NFYC: variants seen among roughly 807,000 people sequenced by gnomAD.
The protein encoded by NFYC is CAAT box DNA-binding protein subunit C.
NFYC carries 25 observed loss-of-function variants against 53.1 expected under a neutral mutation model. The ratio of observed to expected loss-of-function variants is 0.47; its 90% CI spans 0.34 to 0.66. The LOEUF is 0.66. Among genes scored for constraint, NFYC ranks in the 30% least tolerant of loss-of-function variants. The pLI is 0.01. For synonymous variants in NFYC, 145 were observed against 152.6 expected, an observed-to-expected ratio of 0.95 and a Z score of 0.37; for missense variants, 260 against 422.7, an observed-to-expected ratio of 0.62 and a Z score of 3.38.
At chr1:40,695,770 A>C (rs1344439324) in intron 1 of NFYC, 2 of 152,182 alleles carry the variant, frequency 1.3e-5, no homozygotes, top group Non-Finnish European at 2.9e-5. Context: ...TATATCTTTT[A>C]GTTCAAAAGT....
In NFYC at chr1:40,769,337, A is replaced by G. The variant is rs1437266606; in HGVS notation, c.829-19A>G. The G allele has an allele frequency of 3.7e-6, 6 of 1,613,612 alleles. No homozygotes were observed. Among genetic ancestry groups the G allele is most frequent in the South Asian group, 3.3e-5 (3 of 91,060 alleles). On this transcript the variant is annotated intron_variant, in intron 8 of 9. Transcript: ENST00000447388. ...ACCCTGCAGCTGACATACCAACTCT[A>G]CCATCTTGATTCTTACAGATTACAC...
chr1:40,692,117 CG>C (rs994858270), intron 1 of NFYC: 2 of 193,844 alleles, frequency 1.0e-5, no homozygotes, highest in South Asian at 5.3e-5. Context: ...AAGGCGACGG[CG>C]GGGGGGCTCG....
intron 1 of NFYC, among the ~76,000 whole-genome samples, chr1:40,733,661 T>G (rs1644880755): frequency 6.6e-6 from 1 of 150,780 alleles, no homozygotes; most frequent in African/African-American, 2.4e-5. Flanking sequence ...CTCAAACTCC[T>G]GGGCCCAGGA....
chr1:40,746,497 A>AGC (rs1233869852), intron 2 of NFYC, among the ~76,000 whole-genome samples: 1 of 152,218 alleles, frequency 6.6e-6, no homozygotes, highest in East Asian at 1.9e-4. Flanking sequence ...CTGAAATAAT[A>AGC]TATGCTCCTT....
Position 40,771,257 on chromosome 1 carries a change from C to T in NFYC, c.*429C>T, listed in dbSNP as rs1407429891. 6.1e-6 allele frequency: 2 copies of T among 328,356 alleles called. No homozygotes were observed. Among genetic ancestry groups the T allele is most frequent in the African/African-American group, 4.4e-5 (2 of 45,670 alleles). The allele number at this position is 328,356 out of a possible 1,614,324, so 20.3% of individuals were successfully genotyped here. A position where few individuals can be genotyped will look rare whatever the true frequency, so the allele number is the denominator to read the frequency against. ...CTTGACTCTGGGAACAGCTGCTACC[C>T]CCAAGACTTGCCACGTTGTTCTGCC... On this transcript the variant is annotated 3_prime_UTR_variant, in exon 10 of 10. Transcript: ENST00000447388.
In NFYC at chr1:40,758,115, C is replaced by T; in HGVS notation, c.388-6C>T. 1 of 1,611,770 alleles carries T rather than the reference C, an allele frequency of 6.2e-7. No homozygotes were observed. Among genetic ancestry groups the T allele is most frequent in the South Asian group, 1.1e-5 (1 of 90,952 alleles). The stretch of plus-strand genomic sequence containing the variant: ...CCTCTTACCTGCCTCTCTTTCCACC[C>T]AACAGGAGGAGGTGCGCCAGTCTGT... On this transcript the variant is annotated splice_polypyrimidine_tract_variant and splice_region_variant and intron_variant, in intron 5 of 9. Coordinates refer to ENST00000447388, the MANE Select transcript of NFYC (RefSeq NM_014223.5).
rs540917370 is a variant in NFYC at position 40,766,585 on chromosome 1, C to T, written c.721-11C>T. 144 of 1,605,412 alleles carry T rather than the reference C, an allele frequency of 9.0e-5. 1 individual carries two copies. The South Asian group carries it at 1.6e-3, about 17-fold the overall frequency. ...TGTCTTATGGTCTCTTTGTCTCTGCCCCTGCCCTAGGTGCAGCTGAATGCC... is the reference window on the plus strand; with the variant it reads ...TGTCTTATGGTCTCTTTGTCTCTGCTCCTGCCCTAGGTGCAGCTGAATGCC... On this transcript the variant is annotated splice_polypyrimidine_tract_variant and intron_variant, in intron 7 of 9. Coordinates refer to ENST00000447388, the MANE Select transcript of NFYC (RefSeq NM_014223.5).
At chr1:40,757,233 G>A (rs547135316) in intron 5 of NFYC, 12 of 436,464 alleles carry the variant, frequency 2.7e-5, no homozygotes, top group Non-Finnish European at 3.0e-5. Flanking sequence ...ATCAGACGCC[G>A]TTCTGTGTCA....
At chr1:40,732,777 G>T (rs1644830058) in intron 1 of NFYC, among the ~76,000 whole-genome samples, 1 of 152,152 alleles carries the variant, frequency 6.6e-6, no homozygotes, top group Admixed American at 6.5e-5. Context: ...CTTCAAGTCT[G>T]CCTTTCAGCT....
intron 1 of NFYC, among the ~76,000 whole-genome samples, chr1:40,699,959 T>A (rs1643349898): frequency 6.6e-6 from 1 of 152,216 alleles, no homozygotes; most frequent in Non-Finnish European, 1.5e-5. Flanking sequence ...TTACGCGGTG[T>A]TACTCAGACT....
chr1:40,703,480 T>TAAAAAAAAAAAAAAAAAAA lies in NFYC; in HGVS notation c.-9+11627_-9+11628insAAAAAAAAAAAAAAAAAAA, dbSNP rs57102599. ...GTACTCCAGCCTGGGCAATTAGCCCTAAAAAAAAAAAAAAGAATATGAAGC... is the reference window on the plus strand; with the variant it reads ...GTACTCCAGCCTGGGCAATTAGCCCTAAAAAAAAAAAAAAAAAAAAAAAAAAAAAAAAAGAATATGAAGC... On this transcript the variant is annotated intron_variant, in intron 1 of 9. Transcript: ENST00000447388. Among the ~76,000 whole-genome samples, 17 of 97,728 alleles carry TAAAAAAAAAAAAAAAAAAA rather than the reference T, an allele frequency of 1.7e-4. 1 individual carries two copies. The highest frequency in any genetic ancestry group is 2.3e-4 in the African/African-American group (5 of 22,060). The allele number at this position is 97,728 out of a possible 152,430, so 64.1% of individuals were successfully genotyped here.
chr1:40,745,592 C>T (rs1645569874), intron 2 of NFYC, among the ~76,000 whole-genome samples: 1 of 152,180 alleles, frequency 6.6e-6, no homozygotes, highest in South Asian at 2.1e-4. Flanking sequence ...CTCTCTCTGT[C>T]TTTGTTGTTC....
chr1:40,747,072 T>G (rs1021070061), intron 2 of NFYC, among the ~76,000 whole-genome samples: 2 of 152,142 alleles, frequency 1.3e-5, no homozygotes, highest in Admixed American at 1.3e-4. Flanking sequence ...ATCACTGTGG[T>G]CAAGTGCCCC....
chr1:40,769,745 C>T (rs1646992558), intron 9 of NFYC, among the ~76,000 whole-genome samples: 1 of 152,102 alleles, frequency 6.6e-6, no homozygotes. Context: ...TCCTGTTTCC[C>T]TCTCTAGAAC....
intron 1 of NFYC, 93 bp from the exon 2 acceptor site, chr1:40,738,743 A>AT (rs1182151984): frequency 5.7e-6 from 5 of 871,292 alleles, no homozygotes; most frequent in African/African-American, 1.7e-5. Flanking sequence ...GAATAGATTC[A>AT]TAAAAACATC....
intron 1 of NFYC, among the ~76,000 whole-genome samples, chr1:40,725,231 T>G (rs1644468381): frequency 6.6e-6 from 1 of 152,234 alleles, no homozygotes; most frequent in Non-Finnish European, 1.5e-5. Flanking sequence ...TTCTCTCTAG[T>G]CACTTTGCCT....
intron 7 of NFYC, chr1:40,766,151 G>A (rs527954086): frequency 6.0e-5 from 10 of 166,554 alleles, no homozygotes; most frequent in East Asian, 1.8e-4. Context: ...GCTATGATGC[G>A]GAATGATGGC....
chr1:40,721,872 A>T (rs960776301), intron 1 of NFYC, among the ~76,000 whole-genome samples: 3 of 152,074 alleles, frequency 2.0e-5, no homozygotes, highest in Non-Finnish European at 4.4e-5. Flanking sequence ...CCAAGGAGAC[A>T]TATTCTAAGA....
intron 1 of NFYC, among the ~76,000 whole-genome samples, chr1:40,700,581 A>G (rs1158613010): frequency 6.6e-6 from 1 of 152,016 alleles, no homozygotes; most frequent in African/African-American, 2.4e-5. Context: ...CTTCAGTTCA[A>G]GTGATCCTCC....
Sources: gnomAD v4.1 joint callset for allele counts (sites outside exome capture counted in the v4.1 genomes callset) on GRCh38, gnomAD v4.1.1 for gene constraint, MANE v1.5 for transcripts, NCBI Gene and HGNC (gene_info 2026-07-23, HGNC 2026-07-21) for gene names.